Variants in ZSWIM1 observed in about 807,000 individuals in gnomAD.
ZSWIM1 encodes zinc finger SWIM-type containing 1, also known as zinc finger SWIM domain-containing protein 1.
In ZSWIM1, 22 loss-of-function variants were observed where a neutral mutation model predicts 29.3. The observed-to-expected ratio is 0.75, with a 90% CI of 0.54 to 1.07. The LOEUF (loss-of-function observed/expected upper bound fraction) is 1.07, where lower values mean the gene tolerates loss of function less well. ZSWIM1 is among the 50% of genes least tolerant of loss of function. The probability of loss-of-function intolerance (pLI) is 0.00; values close to 1 mark genes in which losing one functional copy is unlikely to be tolerated. For missense variants in ZSWIM1, 511 were observed against 596.2 expected, an observed-to-expected ratio of 0.86 and a Z score of 1.49; for synonymous variants, 228 against 240.8, an observed-to-expected ratio of 0.95 and a Z score of 0.49.
Position 45,884,073 on chromosome 20 carries a change from C to T in ZSWIM1, c.*23C>T, listed in dbSNP as rs1220877065. Reference sequence around the variant, plus strand: ...TGATTATTCTCGATGCCCAGAGATGCTCATGCACCTGTGCACACTCACATC... The same window carrying T: ...TGATTATTCTCGATGCCCAGAGATGTTCATGCACCTGTGCACACTCACATC... On this transcript the variant is annotated 3_prime_UTR_variant, in exon 2 of 2. Transcript: ENST00000372523. 4.4e-6 allele frequency: 7 copies of T among 1,588,530 alleles called. No individual in the cohort carries two copies. The highest frequency in any genetic ancestry group is 6.0e-6 in the Non-Finnish European group (7 of 1,165,744).
Position 45,882,578 on chromosome 20 carries a change from G to C in ZSWIM1, c.-15G>C, listed in dbSNP as rs1178981430. On this transcript the variant is annotated 5_prime_UTR_variant, in exon 2 of 2. Transcript: ENST00000372523. ...TCTGGGAATGATTGTCTAGCCTCCAGCCTCAACTTACTTGATGCTTGAGAG... is the reference window on the plus strand; with the variant it reads ...TCTGGGAATGATTGTCTAGCCTCCACCCTCAACTTACTTGATGCTTGAGAG... 3.1e-6 allele frequency: 5 copies of C among 1,603,794 alleles called. No individual in the cohort carries two copies. In the African/African-American group the frequency reaches 6.7e-5, roughly 21 times the overall value.
At position 45,883,011 on chromosome 20, in the gene ZSWIM1, A is replaced by G; in HGVS notation, c.419A>G (p.Glu140Gly). The change falls in exon 2 of 2, where the codon GAG becomes GGG. Residue 140 changes from glutamate (E) to glycine (G), a missense_variant. Coordinates refer to ENST00000372523, the MANE Select transcript of ZSWIM1 (RefSeq NM_080603.5). Reference sequence around the variant, plus strand: ...TTCAAGAAGTTTAATCCAGCATGGGAGAGAGTCTGTACCATCCTGGTGGAT... The same window carrying G: ...TTCAAGAAGTTTAATCCAGCATGGGGGAGAGTCTGTACCATCCTGGTGGAT... ...QVFKKFNPAW[E>G]RVCTILVDPH... The G allele has an allele frequency of 6.2e-7, 1 of 1,614,152 alleles. No homozygotes were observed.
Position 45,882,775 on chromosome 20 carries a change from C to G in ZSWIM1, c.183C>G (p.Phe61Leu). The G allele has an allele frequency of 1.2e-6, 2 of 1,614,258 alleles. No individual in the cohort carries two copies. Among genetic ancestry groups the G allele is most frequent in the Non-Finnish European group, 1.7e-6 (2 of 1,180,050 alleles). ...QVNKTAQLDT[F>L]NYQSCFMQSV... ...ACAAGACTGCCCAGTTAGATACCTT[C>G]AACTACCAGAGCTGCTTTATGCAAA... The change falls in exon 2 of 2, where the codon TTC becomes TTG. Residue 61 changes from phenylalanine to leucine, a missense_variant. Coordinates refer to ENST00000372523, the MANE Select transcript of ZSWIM1 (RefSeq NM_080603.5).
At position 45,884,194 on chromosome 20, in the gene ZSWIM1, C is replaced by T. The variant is rs1384867977; in HGVS notation, c.*144C>T. On this transcript the variant is annotated 3_prime_UTR_variant, in exon 2 of 2. Coordinates refer to ENST00000372523, the MANE Select transcript of ZSWIM1 (RefSeq NM_080603.5). ...GGCCCTCCTTCCAGAACAAGGACAA[C>T]AAGGACAAGGTTGAAGGGTCTTCTC... 27 of 1,181,312 alleles carry T rather than the reference C, an allele frequency of 2.3e-5. No homozygotes were observed. In the South Asian group the frequency reaches 4.2e-4, roughly 18 times the overall value. The allele number at this position is 1,181,312 out of a possible 1,614,324, so 73.2% of individuals were successfully genotyped here.
At position 45,884,012 on chromosome 20, in the gene ZSWIM1, G is replaced by A. The variant is rs140182403; in HGVS notation, c.1420G>A (p.Asp474Asn). ...GTATAGCACCCTGCGGGAACTGGCC[G>A]ACAGCTGGATTGGGCCTTATGAGCA... ...RRYSTLRELA[D>N]SWIGPYEQVQ... Residue 474 changes from aspartate (D) to asparagine (N), a missense_variant, in exon 2 of 2, where the codon GAC (aspartate) becomes AAC (asparagine). Physicochemically the swap from Asp to Asn is conservative, Grantham distance 23 (BLOSUM62 1). Coordinates refer to ENST00000372523, the MANE Select transcript of ZSWIM1 (RefSeq NM_080603.5). 2.5e-4 allele frequency: 407 copies of A among 1,613,630 alleles called. No homozygotes were observed. Among genetic ancestry groups the A allele is most frequent in the Non-Finnish European group, 3.3e-4 (384 of 1,179,800 alleles).
At chr20:45,882,426 C>T (rs949774149) in intron 1 of ZSWIM1, 107 bp from the exon 2 acceptor site, 4 of 751,228 alleles carry the variant, frequency 5.3e-6, no homozygotes, top group Non-Finnish European at 8.6e-6. Flanking sequence ...TGTATCTTCC[C>T]CTAGAACAGT....
At position 45,883,493 on chromosome 20, in the gene ZSWIM1, T is replaced by C. The variant is rs1452654475; in HGVS notation, c.901T>C (p.Cys301Arg). 1.2e-6 allele frequency: 2 copies of C among 1,614,078 alleles called. No homozygotes were observed. Among genetic ancestry groups the C allele is most frequent in the Non-Finnish European group, 1.7e-6 (2 of 1,180,046 alleles). Residue 301 changes from cysteine to arginine, a missense_variant, in exon 2 of 2, where the codon TGT (cysteine) becomes CGT (arginine). Coordinates refer to ENST00000372523, the MANE Select transcript of ZSWIM1 (RefSeq NM_080603.5). ...CAAGGCAAACTTCAACCAGGGCCTG[T>C]GTGCCCAGAACAATCATGCTCCCTC... ...ADKANFNQGL[C>R]AQNNHAPSDT...
At chr20:45,881,606 AAATAGAGGAAACAATGG>A (rs1986264933) in intron 1 of ZSWIM1, among the ~76,000 whole-genome samples, 1 of 152,154 alleles carries the variant, frequency 6.6e-6, no homozygotes, top group East Asian at 1.9e-4. Flanking sequence ...GTCTGGGGCC[AAATAGAGGAAACAATGG>A]AATAGAGTAT....
chr20:45,884,102 C>G lies in ZSWIM1; in HGVS notation c.*52C>G. 1 of 1,274,438 alleles carries G rather than the reference C, an allele frequency of 7.8e-7. No homozygotes were observed. The highest frequency in any genetic ancestry group is 1.1e-6 in the Non-Finnish European group (1 of 924,050). The allele number at this position is 1,274,438 out of a possible 1,614,324, so 78.9% of individuals were successfully genotyped here. On this transcript the variant is annotated 3_prime_UTR_variant, in exon 2 of 2. Transcript: ENST00000372523. Reference sequence around the variant, plus strand: ...TGCACCTGTGCACACTCACATCCACCCATACACACACACACACACACACAC... The same window carrying G: ...TGCACCTGTGCACACTCACATCCACGCATACACACACACACACACACACAC...
At position 45,884,410 on chromosome 20, in the gene ZSWIM1, T is replaced by C. The variant is rs1986414450; in HGVS notation, c.*360T>C. 1 of 155,088 alleles carries C rather than the reference T, an allele frequency of 6.4e-6. No individual in the cohort carries two copies. Among genetic ancestry groups the C allele is most frequent in the African/African-American group, 2.7e-5 (1 of 36,858 alleles). 9.6% of individuals were successfully genotyped at this position (155,088 alleles called of 1,614,324 possible). On this transcript the variant is annotated 3_prime_UTR_variant, in exon 2 of 2. Coordinates refer to ENST00000372523, the MANE Select transcript of ZSWIM1 (RefSeq NM_080603.5). ...AGGAGTCTGTCTCCGTCACCCAGGC[T>C]GGAGTGCAGTGGCGCAATCTCTGCT...
At position 45,882,898 on chromosome 20, in the gene ZSWIM1, G is replaced by A. The variant is rs749264622; in HGVS notation, c.306G>A (p.Val102=). ...CCTTCCTGGTGGATGGACCTCGGGT[G>A]CAGCTGGAGGGTCATCTTGCCCGAG... ...LYTFLVDGPR[V]QLEGHLARAV... Residue 102 remains valine, a synonymous_variant, in exon 2 of 2, where the codon GTG becomes GTA. Transcript: ENST00000372523. The A allele has an allele frequency of 6.2e-6, 10 of 1,614,100 alleles. No individual in the cohort carries two copies. Among genetic ancestry groups the A allele is most frequent in the Non-Finnish European group, 8.5e-6 (10 of 1,180,042 alleles).
Position 45,883,148 on chromosome 20 carries a change from C to T in ZSWIM1, c.556C>T (p.Leu186Phe). Residue 186 changes from leucine to phenylalanine, a missense_variant, in exon 2 of 2, where the codon CTT (leucine) becomes TTT (phenylalanine). Coordinates refer to ENST00000372523, the MANE Select transcript of ZSWIM1 (RefSeq NM_080603.5). Reference sequence around the variant, plus strand: ...CCAGGCCAAGTTCTATCAGCTGTCCCTTGAACGGCCCGTGGAAAGGCTGCT... The same window carrying T: ...CCAGGCCAAGTTCTATCAGCTGTCCTTTGAACGGCCCGTGGAAAGGCTGCT... The part of the protein sequence containing the change: ...FLQAKFYQLS[L>F]ERPVERLLLT... The T allele has an allele frequency of 6.2e-7, 1 of 1,614,164 alleles. No homozygotes were observed. The highest frequency in any genetic ancestry group is 2.2e-5 in the East Asian group (1 of 44,892).
rs1049803687 is a variant in ZSWIM1 at position 45,884,600 on chromosome 20, G to C, written c.*550G>C. ...GATGGTCTCGATCTCCTGACTTCGT[G>C]ATCTGCCCGCCTCGGCCTCCCAAAG... On this transcript the variant is annotated 3_prime_UTR_variant, in exon 2 of 2. Coordinates refer to ENST00000372523, the MANE Select transcript of ZSWIM1 (RefSeq NM_080603.5). The C allele has an allele frequency of 3.6e-5, 6 of 166,688 alleles. No individual in the cohort carries two copies. The highest frequency in any genetic ancestry group is 3.4e-3 in the Middle Eastern group (1 of 296). The allele number at this position is 166,688 out of a possible 1,614,324, so 10.3% of individuals were successfully genotyped here.
Position 45,883,990 on chromosome 20 carries a change from T to C in ZSWIM1, c.1398T>C (p.Tyr466=), listed in dbSNP as rs747752421. 1.2e-6 allele frequency: 2 copies of C among 1,614,042 alleles called. No individual in the cohort carries two copies. The highest frequency in any genetic ancestry group is 3.3e-5 in the Admixed American group (2 of 60,000). The change falls in exon 2 of 2, where the codon TAT becomes TAC. Residue 466 remains tyrosine, a synonymous_variant. Coordinates refer to ENST00000372523, the MANE Select transcript of ZSWIM1 (RefSeq NM_080603.5). The stretch of plus-strand genomic sequence containing the variant: ...CCAAGGAGGAGTTTGAGCGGAGGTA[T>C]AGCACCCTGCGGGAACTGGCCGACA... ...HCTKEEFERR[Y]STLRELADSW...
Position 45,883,288 on chromosome 20 carries a change from C to G in ZSWIM1, c.696C>G (p.His232Gln), listed in dbSNP as rs765511705. Residue 232 changes from histidine (H) to glutamine (Q), a missense_variant, in exon 2 of 2, where the codon CAC becomes CAG. Coordinates refer to ENST00000372523, the MANE Select transcript of ZSWIM1 (RefSeq NM_080603.5). ...CCAAGCTGCCCGAGCTTCACTCACA[C>G]TGGCTGCTCAACGACCGCATCTGGC... Reference protein sequence around the residue: ...PPAKLPELHSHWLLNDRIWLA... With the variant: ...PPAKLPELHSQWLLNDRIWLA... The G allele has an allele frequency of 9.3e-6, 15 of 1,614,074 alleles. No homozygotes were observed. The highest frequency in any genetic ancestry group is 1.3e-5 in the Non-Finnish European group (15 of 1,180,050).
chr20:45,884,105 T>TACACACAC lies in ZSWIM1; in HGVS notation c.*86_*93dup, dbSNP rs71181872. 1,093 of 1,089,524 alleles carry TACACACAC rather than the reference T, an allele frequency of 1.0e-3. 13 individuals are homozygous for TACACACAC. In the African/African-American group the frequency reaches 0.013, roughly 13 times the overall value. 67.5% of individuals were successfully genotyped at this position (1,089,524 alleles called of 1,614,324 possible). A position where few individuals can be genotyped will look rare whatever the true frequency, so the allele number is the denominator to read the frequency against. On this transcript the variant is annotated 3_prime_UTR_variant, in exon 2 of 2. Transcript: ENST00000372523. ...ACCTGTGCACACTCACATCCACCCA[T>TACACACAC]ACACACACACACACACACACACACA...
chr20:45,883,793 C>T lies in ZSWIM1; in HGVS notation c.1201C>T (p.Leu401Phe). The T allele has an allele frequency of 6.2e-7, 1 of 1,613,776 alleles. No individual in the cohort carries two copies. ...HLPCRHILAM[L>F]SARRQVLQPD... Reference sequence around the variant, plus strand: ...GCCCTGCCGCCACATCCTAGCCATGCTCAGTGCCCGCCGCCAGGTGCTCCA... The same window carrying T: ...GCCCTGCCGCCACATCCTAGCCATGTTCAGTGCCCGCCGCCAGGTGCTCCA... The change falls in exon 2 of 2, where the codon CTC becomes TTC. Residue 401 changes from leucine (L) to phenylalanine (F), a missense_variant. Transcript: ENST00000372523.
At position 45,882,556 on chromosome 20, in the gene ZSWIM1, G is replaced by A. The variant is rs1360078167; in HGVS notation, c.-37G>A. On this transcript the variant is annotated 5_prime_UTR_variant, in exon 2 of 2. The change creates a premature stop within an existing upstream ORF in the 5' untranslated region. Coordinates refer to ENST00000372523, the MANE Select transcript of ZSWIM1 (RefSeq NM_080603.5). ...AGGCCCATCTTTGGAAAAAAGATCTGGGAATGATTGTCTAGCCTCCAGCCT... is the reference window on the plus strand; with the variant it reads ...AGGCCCATCTTTGGAAAAAAGATCTAGGAATGATTGTCTAGCCTCCAGCCT... The A allele has an allele frequency of 6.3e-7, 1 of 1,581,274 alleles. No homozygotes were observed. The highest frequency in any genetic ancestry group is 1.8e-5 in the Admixed American group (1 of 55,998).
chr20:45,884,260 G>A lies in ZSWIM1; in HGVS notation c.*210G>A. The A allele has an allele frequency of 1.7e-6, 1 of 572,944 alleles. No homozygotes were observed. Among genetic ancestry groups the A allele is most frequent in the Non-Finnish European group, 3.0e-6 (1 of 328,836 alleles). The allele number at this position is 572,944 out of a possible 1,614,324, so 35.5% of individuals were successfully genotyped here. ...CTACCTAGCATGTGTCTAGCTCAATGAGACAGGAGTCAGCAAATCTTAATC... is the reference window on the plus strand; with the variant it reads ...CTACCTAGCATGTGTCTAGCTCAATAAGACAGGAGTCAGCAAATCTTAATC... On this transcript the variant is annotated 3_prime_UTR_variant, in exon 2 of 2. Transcript: ENST00000372523.
Sources: gnomAD v4.1 joint callset for allele counts (sites outside exome capture counted in the v4.1 genomes callset) on GRCh38, gnomAD v4.1.1 for gene constraint, MANE v1.5 for transcripts, NCBI Gene and HGNC (gene_info 2026-07-23, HGNC 2026-07-21) for gene names.